Variants in USP24 observed in about 807,000 individuals in gnomAD.
The protein encoded by USP24 is ubiquitin specific peptidase 24, also known as ubiquitin carboxyl-terminal hydrolase 24.
In USP24, 97 loss-of-function variants were observed where a neutral mutation model predicts 361.6. That is an observed-to-expected ratio of 0.27 (90% confidence interval 0.23 to 0.32). The LOEUF (loss-of-function observed/expected upper bound fraction) is 0.32, where lower values mean the gene tolerates loss of function less well. Ranked by LOEUF, USP24 falls within the 10% of genes least tolerant of loss-of-function variation. The pLI is 1.00. For missense variants in USP24, 2,353 were observed against 3,165.6 expected (o/e 0.74, Z 6.16); for synonymous variants, 1,098 against 1,124.6 (o/e 0.98, Z 0.47).
chr1:55,089,970 C>G (rs1478262793), intron 54 of USP24, among the ~76,000 whole-genome samples: 1 of 152,148 alleles, frequency 6.6e-6, no homozygotes, highest in Non-Finnish European at 1.5e-5. Flanking sequence ...TGTGGCTCAT[C>G]TTTCCCCACA....
chr1:55,095,600 CTCTCA>C (rs1430542463), intron 50 of USP24, among the ~76,000 whole-genome samples: 1 of 152,168 alleles, frequency 6.6e-6, no homozygotes, highest in Non-Finnish European at 1.5e-5. Context: ...CTAGCTGGAT[CTCTCA>C]CTTGGAAGTG....
chr1:55,178,117 C>T lies in USP24; in HGVS notation c.340G>A (p.Gly114Arg). 6.4e-7 allele frequency: 1 copy of T among 1,550,844 alleles called. No individual in the cohort carries two copies. The highest frequency in any genetic ancestry group is 8.7e-7 in the Non-Finnish European group (1 of 1,146,744). ...VVDAEKNDEN[G>R]NCSGEGIEFP... ...TCAATTCCTTCCCCTGAGCAGTTTC[C>T]ATTCTCATCATTCTTCTGACGAAAA... The change falls in exon 2 of 68, where the codon GGA becomes AGA. Residue 114 changes from glycine to arginine, a missense_variant. By Grantham distance (125) the Gly-to-Arg change is moderately radical (BLOSUM62 -2). Transcript: ENST00000294383.
At chr1:55,144,104 A>G (rs368679609) in intron 21 of USP24, 23 bp downstream of exon 21, 41 of 1,571,194 alleles carry the variant, frequency 2.6e-5, no homozygotes, top group Non-Finnish European at 2.9e-5. Context: ...CAAACTATCT[A>G]GATTTGAGAA....
In USP24 at chr1:55,141,742, CCAAA is replaced by C. The variant is rs1238403525; in HGVS notation, c.2635-15_2635-12del. ...TGCTGAACTGGCTGCCTAAAAAATA[CCAAA>C]CAGTCATTCTCTATCAGGGTTTCTC... is the stretch of plus-strand genomic sequence containing the variant. On this transcript the variant is annotated splice_polypyrimidine_tract_variant and intron_variant, in intron 23 of 67. Coordinates refer to ENST00000294383, the MANE Select transcript of USP24 (RefSeq NM_015306.3). 3 of 1,589,722 alleles carry C rather than the reference CCAAA, an allele frequency of 1.9e-6. No individual in the cohort carries two copies. Among genetic ancestry groups the C allele is most frequent in the African/African-American group, 1.3e-5 (1 of 74,624 alleles).
intron 12 of USP24, among the ~76,000 whole-genome samples, chr1:55,156,550 G>C (rs535901017): frequency 6.6e-6 from 1 of 151,620 alleles, no homozygotes; most frequent in Non-Finnish European, 1.5e-5. Flanking sequence ...GTCCTAGTAA[G>C]ATGAGATCTA....
intron 10 of USP24, among the ~76,000 whole-genome samples, chr1:55,158,294 T>G (rs994577532): frequency 1.3e-5 from 2 of 152,330 alleles, no homozygotes; most frequent in Middle Eastern, 3.4e-3. Context: ...CCTCTTTTGG[T>G]CTAAAATGGT....
At position 55,137,923 on chromosome 1, in the gene USP24, C is replaced by T. The variant is rs910995629; in HGVS notation, c.2929-19G>A. ...TGTGAGCCTGTAAAATAAAATTAAA[C>T]ACGTTGTGAGAGAATTCATTTATTT... On this transcript the variant is annotated intron_variant, in intron 26 of 67. Transcript: ENST00000294383. 8.4e-6 allele frequency: 13 copies of T among 1,556,260 alleles called. No individual in the cohort carries two copies. The Admixed American group carries it at 2.3e-4, about 27-fold the overall frequency.
intron 41 of USP24, 30 bp downstream of exon 41, chr1:55,106,116 A>G (rs1645765978): frequency 6.4e-7 from 1 of 1,568,830 alleles, no homozygotes; most frequent in African/African-American, 1.4e-5. Flanking sequence ...AATTTTTACC[A>G]AAACTGAACA....
intron 1 of USP24, among the ~76,000 whole-genome samples, chr1:55,196,162 G>T (rs947470389): frequency 3.9e-5 from 6 of 152,012 alleles, no homozygotes; most frequent in Admixed American, 2.6e-4. Context: ...TCTTTCACTT[G>T]GTTTCCAGGA....
At chr1:55,083,733 T>A in intron 57 of USP24, 39 bp downstream of exon 57, 1 of 1,469,492 alleles carries the variant, frequency 6.8e-7, no homozygotes, top group Non-Finnish European at 9.2e-7. Context: ...GTATAAATCT[T>A]CTGTATTAGG....
intron 1 of USP24, among the ~76,000 whole-genome samples, chr1:55,181,409 C>T (rs190113408): frequency 1.0e-3 from 157 of 152,154 alleles, no homozygotes; most frequent in Non-Finnish European, 1.7e-3. Flanking sequence ...GTTTTTAAAG[C>T]GTAACACTTT....
rs1427056497 is a variant in USP24 at position 55,104,006 on chromosome 1, T to C, written c.4895A>G (p.Asn1632Ser). The C allele has an allele frequency of 2.4e-5, 38 of 1,608,908 alleles. No individual in the cohort carries two copies. The highest frequency in any genetic ancestry group is 3.1e-5 in the Non-Finnish European group (36 of 1,177,544). Reference sequence around the variant, plus strand: ...GACTTCATAGGCTGCCAATCGGCTATTCGCTGTACTACACCTAGAAACAAA... The same window carrying C: ...GACTTCATAGGCTGCCAATCGGCTACTCGCTGTACTACACCTAGAAACAAA... ...QDFHPKCSTANSRLAAYEVLV... is the reference protein window; with the variant it reads ...QDFHPKCSTASSRLAAYEVLV... Residue 1632 changes from asparagine (N) to serine (S), a missense_variant, in exon 42 of 68, where the codon AAT becomes AGT. By Grantham distance (46) the Asn-to-Ser change is conservative (BLOSUM62 1). Coordinates refer to ENST00000294383, the MANE Select transcript of USP24 (RefSeq NM_015306.3).
intron 42 of USP24, among the ~76,000 whole-genome samples, 190 bp downstream of exon 42, chr1:55,103,686 T>C (rs1645697703): frequency 6.6e-6 from 1 of 152,248 alleles, no homozygotes. Flanking sequence ...AAAAGGATAC[T>C]ATTTCATAAT....
intron 1 of USP24, among the ~76,000 whole-genome samples, chr1:55,210,306 C>T (rs973558944): frequency 1.3e-5 from 2 of 152,108 alleles, no homozygotes; most frequent in African/African-American, 4.8e-5. Context: ...ATCTTTAATT[C>T]CCTATTTTTA....
chr1:55,162,957 A>C (rs962667540), intron 7 of USP24, among the ~76,000 whole-genome samples: 5 of 152,124 alleles, frequency 3.3e-5, no homozygotes, highest in African/African-American at 1.2e-4. Flanking sequence ...TTAATAAATG[A>C]CTGGAACAGA....
chr1:55,135,069 T>C (rs952821518), intron 28 of USP24, among the ~76,000 whole-genome samples: 7 of 152,208 alleles, frequency 4.6e-5, no homozygotes, highest in African/African-American at 1.7e-4. Context: ...GAAGATACTA[T>C]GTACACTGTT....
intron 63 of USP24, 80 bp downstream of exon 63, chr1:55,075,377 C>G: frequency 7.5e-7 from 1 of 1,332,698 alleles, no homozygotes; most frequent in East Asian, 2.6e-5. Flanking sequence ...CCGAGAGTAG[C>G]AGGAGGCAGA....
intron 32 of USP24, among the ~76,000 whole-genome samples, chr1:55,126,562 A>G (rs1277733159): frequency 1.3e-5 from 2 of 152,348 alleles, no homozygotes; most frequent in Non-Finnish European, 2.9e-5. Context: ...AATATCTGGT[A>G]CATGAATTAA....
chr1:55,096,452 G>A (rs580485), intron 50 of USP24, 46 bp downstream of exon 50: 12 of 1,410,400 alleles, frequency 8.5e-6, no homozygotes, highest in African/African-American at 1.5e-5. Flanking sequence ...TATAGAAAAC[G>A]ATAAATAAAA....
Sources: allele counts gnomAD v4.1 joint callset (sites outside exome capture counted in the v4.1 genomes callset), GRCh38; gene constraint gnomAD v4.1.1; transcripts MANE v1.5; gene names NCBI Gene and HGNC (gene_info 2026-07-23, HGNC 2026-07-21).